KCNQ1: variants seen among roughly 807,000 people sequenced by gnomAD.
KCNQ1 encodes the protein potassium voltage-gated channel subfamily KQT member 1.
KCNQ1 carries 49 observed loss-of-function variants against 72.4 expected under a neutral mutation model. The ratio of observed to expected loss-of-function variants is 0.68; its 90% confidence interval spans 0.54 to 0.86. KCNQ1 has a LOEUF of 0.86. Ranked by LOEUF, KCNQ1 falls within the 40% of genes least tolerant of loss-of-function variation. KCNQ1 has a pLI of 0.00. For synonymous variants in KCNQ1, 450 were observed against 412.6 expected, an observed-to-expected ratio of 1.09 and a Z score of -1.10; for missense variants, 790 against 945.1, an observed-to-expected ratio of 0.84 and a Z score of 2.15.
At chr11:2,594,815 T>G (rs1461060617) in intron 10 of KCNQ1, among the ~76,000 whole-genome samples, 3 of 152,250 alleles carry the variant, frequency 2.0e-5, no homozygotes, top group Non-Finnish European at 2.9e-5. Flanking sequence ...CATGCATATT[T>G]TGTACCCTCT....
intron 1 of KCNQ1, among the ~76,000 whole-genome samples, chr11:2,490,171 G>T (rs1052436263): frequency 6.6e-6 from 1 of 151,672 alleles, no homozygotes; most frequent in Non-Finnish European, 1.5e-5. Context: ...TGGCCACAGG[G>T]AGAGGCTCCT....
chr11:2,758,849 T>C (rs952365528), intron 11 of KCNQ1, among the ~76,000 whole-genome samples: 9 of 152,172 alleles, frequency 5.9e-5, no homozygotes, highest in African/African-American at 2.2e-4. Flanking sequence ...AAGTCCAGGC[T>C]GTAGGGATGG....
At chr11:2,846,432 C>A (rs570750206) in intron 15 of KCNQ1, among the ~76,000 whole-genome samples, 4 of 152,220 alleles carry the variant, frequency 2.6e-5, no homozygotes, top group South Asian at 2.1e-4. Context: ...CCACAGAGCA[C>A]GCTGAGGGGC....
At chr11:2,556,738 A>AG (rs1358679279) in intron 2 of KCNQ1, among the ~76,000 whole-genome samples, 1 of 152,150 alleles carries the variant, frequency 6.6e-6, no homozygotes, top group Non-Finnish European at 1.5e-5. Flanking sequence ...TATCTTCCTG[A>AG]GGAGAAAGCC....
chr11:2,613,789 C>T lies in KCNQ1; in HGVS notation c.1393+24935C>T. 1 of 398,542 alleles carries T rather than the reference C, an allele frequency of 2.5e-6. No homozygotes were observed. The allele number at this position is 398,542 out of a possible 1,614,324, so 24.7% of individuals were successfully genotyped here. ...AGAAATCTTCCTCTCACCCATATCT[C>T]TTCCATCCTAATTCCCCCTACCCAT... is the stretch of plus-strand genomic sequence containing the variant. On this transcript the variant is annotated intron_variant, in intron 10 of 15. Coordinates refer to ENST00000155840, the MANE Select transcript of KCNQ1 (RefSeq NM_000218.3). This position sits in a 1 kb window ranked among gnomAD's most constrained non-coding sequence, Gnocchi z 4.8.
intron 11 of KCNQ1, among the ~76,000 whole-genome samples, chr11:2,707,273 A>T (rs1850926620): frequency 6.6e-6 from 1 of 152,220 alleles, no homozygotes; most frequent in African/African-American, 2.4e-5. Context: ...CTGTGCCAGA[A>T]GCAGGGATTG....
intron 1 of KCNQ1, among the ~76,000 whole-genome samples, chr11:2,453,242 G>A (rs1176162695): frequency 1.3e-5 from 2 of 152,212 alleles, no homozygotes; most frequent in Non-Finnish European, 1.5e-5. Flanking sequence ...GCGTGGTGGT[G>A]CATGCCTGTA....
intron 6 of KCNQ1, among the ~76,000 whole-genome samples, chr11:2,582,155 C>T (rs1490892293): frequency 6.6e-6 from 1 of 152,226 alleles, no homozygotes; most frequent in Non-Finnish European, 1.5e-5. Flanking sequence ...GCCGCTTCTG[C>T]TACCTGAGCC....
chr11:2,626,854 G>A lies in KCNQ1; in HGVS notation c.1394-35107G>A, dbSNP rs1244460285. Reference sequence around the variant, plus strand: ...GTAGTAAGTTTTCAAATCAGAAAGTGTGAGTCCTCCAATGTTGTTCATCAT... The same window carrying A: ...GTAGTAAGTTTTCAAATCAGAAAGTATGAGTCCTCCAATGTTGTTCATCAT... On this transcript the variant is annotated intron_variant, in intron 10 of 15. Coordinates refer to ENST00000155840, the MANE Select transcript of KCNQ1 (RefSeq NM_000218.3). The surrounding 1 kb of genome is among the most constrained non-coding windows in gnomAD (Gnocchi z 4.0). 1 of 398,490 alleles carries A rather than the reference G, an allele frequency of 2.5e-6. No individual in the cohort carries two copies. Among genetic ancestry groups the A allele is most frequent in the Non-Finnish European group, 4.4e-6 (1 of 226,070 alleles). 24.7% of individuals were successfully genotyped at this position (398,490 alleles called of 1,614,324 possible).
chr11:2,477,055 G>T lies in KCNQ1; in HGVS notation c.386+31571G>T, dbSNP rs564830179. Among the ~76,000 whole-genome samples, 34 of 152,286 alleles carry T rather than the reference G, an allele frequency of 2.2e-4. No individual in the cohort carries two copies. Among genetic ancestry groups the T allele is most frequent in the African/African-American group, 8.2e-4 (34 of 41,568 alleles). On this transcript the variant is annotated intron_variant, in intron 1 of 15. Coordinates refer to ENST00000155840, the MANE Select transcript of KCNQ1 (RefSeq NM_000218.3). This position sits in a 1 kb window ranked among gnomAD's most constrained non-coding sequence, Gnocchi z 5.0. ...TGAATTTGAAAAATGTTGTGAGATG[G>T]CTTATTCTTTGGGAAAAAATGTTAA... is the stretch of plus-strand genomic sequence containing the variant.
At chr11:2,581,081 C>G (rs1279548224) in intron 6 of KCNQ1, among the ~76,000 whole-genome samples, 1 of 152,202 alleles carries the variant, frequency 6.6e-6, no homozygotes, top group African/African-American at 2.4e-5. Flanking sequence ...AGTGTCCCCC[C>G]AAAAAATCTG....
intron 11 of KCNQ1, chr11:2,699,144 T>C (rs541415565): frequency 1.0e-4 from 40 of 398,608 alleles, no homozygotes; most frequent in African/African-American, 8.0e-4. Context: ...CCAATCCCAA[T>C]TCAGCCCACT....
rs78942738 is a variant in KCNQ1, at chr11:2,554,647, C to G, written c.478-15981C>G. On this transcript the variant is annotated intron_variant, in intron 2 of 15. Coordinates refer to ENST00000155840, the MANE Select transcript of KCNQ1 (RefSeq NM_000218.3). ...GCACGGGGGACAAAGATCAGACTTT[C>G]TCTGTTTCCTTCCAGCTTTGCTCCC... is the stretch of plus-strand genomic sequence containing the variant. Among the ~76,000 whole-genome samples, 847 of 152,300 alleles carry G rather than the reference C, an allele frequency of 5.6e-3. 6 individuals carry two copies. Among genetic ancestry groups the G allele is most frequent in the African/African-American group, 0.02 (818 of 41,558 alleles).
rs1444150556 is a variant in KCNQ1, at chr11:2,746,741, C to G, written c.1515-22103C>G. On this transcript the variant is annotated intron_variant, in intron 11 of 15. Coordinates refer to ENST00000155840, the MANE Select transcript of KCNQ1 (RefSeq NM_000218.3). The surrounding 1 kb of genome is among the most constrained non-coding windows in gnomAD (Gnocchi z 5.9). ...CTGTCTCCTGGCTCTGAGGCCGTGG[C>G]TGTCAATCTCTTCAACTGTGATTTG... 6.6e-6 allele frequency among the ~76,000 whole-genome samples: 1 copy of G among 152,252 alleles called. No homozygotes were observed. The highest frequency in any genetic ancestry group is 1.5e-5 in the Non-Finnish European group (1 of 68,046).
chr11:2,474,810 TG>T (rs1846547302), intron 1 of KCNQ1, among the ~76,000 whole-genome samples: 1 of 122,370 alleles, frequency 8.2e-6, no homozygotes, highest in African/African-American at 2.7e-5. Context: ...TAGTGCAGAT[TG>T]TGATGGTGTG....
Position 2,497,337 on chromosome 11 carries a change from C to T in KCNQ1, c.387-30591C>T, listed in dbSNP as rs554713004. Among the ~76,000 whole-genome samples the T allele has an allele frequency of 6.6e-6, 1 of 152,198 alleles. No homozygotes were observed. Among genetic ancestry groups the T allele is most frequent in the South Asian group, 2.1e-4 (1 of 4,814 alleles). On this transcript the variant is annotated intron_variant, in intron 1 of 15. Transcript: ENST00000155840. The surrounding 1 kb of genome is among the most constrained non-coding windows in gnomAD (Gnocchi z 4.5). ...TAGGTTTGGTCTTTTCATATAGTCCCATATTTCTTGGAGGTTTTGTTCGTT... is the reference window on the plus strand; with the variant it reads ...TAGGTTTGGTCTTTTCATATAGTCCTATATTTCTTGGAGGTTTTGTTCGTT...
intron 1 of KCNQ1, among the ~76,000 whole-genome samples, chr11:2,501,264 T>G (rs1847005799): frequency 6.7e-6 from 1 of 148,186 alleles, no homozygotes; most frequent in Non-Finnish European, 1.5e-5. Flanking sequence ...TTTTAAAAGA[T>G]AAAATTGACA....
intron 11 of KCNQ1, among the ~76,000 whole-genome samples, chr11:2,753,391 G>C (rs111971881): frequency 2.0e-5 from 3 of 152,264 alleles, no homozygotes; most frequent in Non-Finnish European, 4.4e-5. Context: ...GTTCCTGCCT[G>C]GGTCCCTGAT....
At position 2,679,431 on chromosome 11, in the gene KCNQ1, TG is replaced by T; in HGVS notation, c.1514+17351del. On this transcript the variant is annotated intron_variant, in intron 11 of 15. Transcript: ENST00000155840. This position sits in a 1 kb window ranked among gnomAD's most constrained non-coding sequence, Gnocchi z 4.8. ...CATAAGAGTACCTTCCTCAGAGGGT[TG>T]TTAGGAGGATTACACAAATTAATAA... 2.5e-6 allele frequency: 1 copy of T among 398,628 alleles called. No homozygotes were observed. Among genetic ancestry groups the T allele is most frequent in the Non-Finnish European group, 4.4e-6 (1 of 226,064 alleles). 24.7% of individuals were successfully genotyped at this position (398,628 alleles called of 1,614,324 possible).
Sources: allele counts gnomAD v4.1 joint callset (sites outside exome capture counted in the v4.1 genomes callset), GRCh38; gene constraint gnomAD v4.1.1; non-coding constraint Gnocchi (gnomAD v3.1); transcripts MANE v1.5; gene names NCBI Gene and HGNC (gene_info 2026-07-23, HGNC 2026-07-21).